DMRT1: variants seen among roughly 807,000 people sequenced by gnomAD.
The protein encoded by DMRT1 is doublesex- and mab-3-related transcription factor 1.
A neutral mutation model predicts 32.3 loss-of-function variants in DMRT1; 7 were observed. The observed-to-expected ratio is 0.22, with a 90% confidence interval of 0.12 to 0.41. The LOEUF is 0.41. DMRT1 is among the 10% of genes least tolerant of loss of function. The probability of loss-of-function intolerance (pLI) is 1.00; values close to 1 mark genes in which losing one functional copy is unlikely to be tolerated. For synonymous variants in DMRT1, 278 were observed against 206.1 expected (o/e 1.35, Z -2.99); for missense variants, 625 against 500.5 (o/e 1.25, Z -2.37).
intron 4 of DMRT1, among the ~76,000 whole-genome samples, chr9:935,319 G>A (rs1479587034): frequency 6.6e-6 from 1 of 152,170 alleles, no homozygotes; most frequent in Non-Finnish European, 1.5e-5. Flanking sequence ...AACGAGGGGG[G>A]CAGATGGATA....
intron 4 of DMRT1, among the ~76,000 whole-genome samples, chr9:932,473 A>C (rs1237333054): frequency 6.6e-6 from 1 of 152,182 alleles, no homozygotes; most frequent in Non-Finnish European, 1.5e-5. Context: ...ATATATGAAA[A>C]ATAAACTTTT....
chr9:871,499 ATTTT>A lies in DMRT1; in HGVS notation c.539-22393_539-22390del, dbSNP rs56390211. Among the ~76,000 whole-genome samples the A allele has an allele frequency of 5.0e-3, 577 of 115,076 alleles. 3 individuals are homozygous for A. Among genetic ancestry groups the A allele is most frequent in the African/African-American group, 0.014 (417 of 29,494 alleles). The allele number at this position is 115,076 out of a possible 152,430, so 75.5% of individuals were successfully genotyped here. A position where few individuals can be genotyped will look rare whatever the true frequency, so the allele number is the denominator to read the frequency against. On this transcript the variant is annotated intron_variant, in intron 2 of 4. Coordinates refer to ENST00000382276, the MANE Select transcript of DMRT1 (RefSeq NM_021951.3). ...AGGCATGCGCCACCACGCCCGGCTA[ATTTT>A]TTTTTTTTTTTTTTTTTTTGGTAGA...
chr9:895,866 G>A (rs1434882509), intron 3 of DMRT1, among the ~76,000 whole-genome samples: 1 of 148,252 alleles, frequency 6.7e-6, no homozygotes, highest in East Asian at 2.0e-4. Flanking sequence ...GTACAGTGGC[G>A]CGATCTCGGC....
chr9:897,368 G>C (rs935997121), intron 3 of DMRT1, among the ~76,000 whole-genome samples: 2 of 151,572 alleles, frequency 1.3e-5, no homozygotes, highest in Admixed American at 6.6e-5. Flanking sequence ...CACCAGCCTC[G>C]GGCTCCCAAA....
chr9:963,858 T>G (rs1819851278), intron 4 of DMRT1, among the ~76,000 whole-genome samples: 1 of 152,268 alleles, frequency 6.6e-6, no homozygotes, highest in South Asian at 2.1e-4. Context: ...TAAGAAATTT[T>G]CATCAGCTTT....
intron 3 of DMRT1, among the ~76,000 whole-genome samples, chr9:914,274 T>C (rs916711758): frequency 6.6e-6 from 1 of 151,962 alleles, no homozygotes; most frequent in African/African-American, 2.4e-5. Context: ...TAACCTTCTA[T>C]TTAGTAAAGA....
rs559129831 is a variant in DMRT1, at chr9:928,211, A to G, written c.967+11304A>G. Among the ~76,000 whole-genome samples, 16 of 152,354 alleles carry G rather than the reference A, an allele frequency of 1.1e-4. No individual in the cohort carries two copies. In the South Asian group the frequency reaches 2.1e-3, roughly 20 times the overall value. ...CACGCTAAAAGTGCCGATATTAAAAATGAGCTCCATAAAAAAATAATATTC... is the reference window on the plus strand; with the variant it reads ...CACGCTAAAAGTGCCGATATTAAAAGTGAGCTCCATAAAAAAATAATATTC... On this transcript the variant is annotated intron_variant, in intron 4 of 4. Coordinates refer to ENST00000382276, the MANE Select transcript of DMRT1 (RefSeq NM_021951.3).
intron 3 of DMRT1, among the ~76,000 whole-genome samples, chr9:908,883 A>G (rs1306238101): frequency 3.3e-5 from 5 of 152,062 alleles, no homozygotes; most frequent in Non-Finnish European, 7.4e-5. Flanking sequence ...CGTTTGGAAA[A>G]AGGACTCTTG....
At chr9:907,732 G>T (rs1817827155) in intron 3 of DMRT1, among the ~76,000 whole-genome samples, 1 of 151,914 alleles carries the variant, frequency 6.6e-6, no homozygotes, top group Non-Finnish European at 1.5e-5. Context: ...TACCCAAATT[G>T]TATATGCAAT....
intron 2 of DMRT1, among the ~76,000 whole-genome samples, chr9:853,560 C>A (rs1172505997): frequency 6.8e-6 from 1 of 146,476 alleles, no homozygotes; most frequent in East Asian, 2.1e-4. Flanking sequence ...GCAATCTCCG[C>A]CTCCCAGGTT....
chr9:854,012 C>T (rs28865678), intron 2 of DMRT1, among the ~76,000 whole-genome samples: 11 of 151,398 alleles, frequency 7.3e-5, no homozygotes, highest in East Asian at 2.0e-4. Flanking sequence ...TTGTTGCCCA[C>T]GCTGGTCTTG....
At chr9:919,558 G>A (rs77333960) in intron 4 of DMRT1, among the ~76,000 whole-genome samples, 2,218 of 152,286 alleles carry the variant, frequency 0.015, 32 homozygotes, top group Non-Finnish European at 0.019. Context: ...CAGAGAGATG[G>A]TGGAGTCAGA....
chr9:907,829 A>ATATGTGTG (rs1554754867), intron 3 of DMRT1, among the ~76,000 whole-genome samples: 25 of 149,544 alleles, frequency 1.7e-4, no homozygotes, highest in African/African-American at 4.9e-4. Flanking sequence ...TAAAATATAT[A>ATATGTGTG]TGTGTGTGTG....
At chr9:896,676 G>C (rs933613279) in intron 3 of DMRT1, among the ~76,000 whole-genome samples, 1 of 152,014 alleles carries the variant, frequency 6.6e-6, no homozygotes, top group Admixed American at 6.5e-5. Flanking sequence ...AACTGGGCAT[G>C]GTGGCGCACG....
intron 2 of DMRT1, among the ~76,000 whole-genome samples, chr9:858,117 T>C (rs1031809064): frequency 6.6e-6 from 1 of 152,100 alleles, no homozygotes; most frequent in Non-Finnish European, 1.5e-5. Context: ...ATCTGTGAGT[T>C]TCTAAAATTG....
At chr9:966,601 G>A (rs1391148127) in intron 4 of DMRT1, among the ~76,000 whole-genome samples, 1 of 152,142 alleles carries the variant, frequency 6.6e-6, no homozygotes, top group East Asian at 1.9e-4. Context: ...GGAAGAAGGG[G>A]GCCTTCTGAA....
In DMRT1 at chr9:965,856, C is replaced by A. The variant is rs1819914952; in HGVS notation, c.968-2129C>A. 6.6e-6 allele frequency among the ~76,000 whole-genome samples: 1 copy of A among 152,202 alleles called. No individual in the cohort carries two copies. The highest frequency in any genetic ancestry group is 1.9e-4 in the East Asian group (1 of 5,200). ...GTACAGTGCTGCCCTTGACAGCTTG[C>A]ACAGGATCCCTGTGTTAAACGGGGA... On this transcript the variant is annotated intron_variant, in intron 4 of 4. Coordinates refer to ENST00000382276, the MANE Select transcript of DMRT1 (RefSeq NM_021951.3). This position sits in a 1 kb window ranked among gnomAD's most constrained non-coding sequence, Gnocchi z 4.5.
intron 4 of DMRT1, among the ~76,000 whole-genome samples, chr9:963,267 A>G (rs1819832154): frequency 6.6e-6 from 1 of 152,224 alleles, no homozygotes; most frequent in African/African-American, 2.4e-5. Flanking sequence ...CAAAGTGCAG[A>G]GCTAGCCCCC....
At chr9:935,632 A>T (rs924785870) in intron 4 of DMRT1, among the ~76,000 whole-genome samples, 2 of 152,220 alleles carry the variant, frequency 1.3e-5, no homozygotes, top group African/African-American at 2.4e-5. Flanking sequence ...GTGAGAGTTT[A>T]TGCTGCAAAG....
Sources: gnomAD v4.1 joint callset for allele counts (sites outside exome capture counted in the v4.1 genomes callset) on GRCh38, gnomAD v4.1.1 for gene constraint, Gnocchi (gnomAD v3.1) non-coding constraint, MANE v1.5 for transcripts, NCBI Gene and HGNC (gene_info 2026-07-23, HGNC 2026-07-21) for gene names.